The following TAX1BP1 variants were observed in gnomAD, a reference collection of about 807,000 sequenced individuals.
The protein encoded by TAX1BP1 is tax1-binding protein 1.
A neutral mutation model predicts 97.7 loss-of-function variants in TAX1BP1; 62 were observed. The ratio of observed to expected loss-of-function variants is 0.63; its 90% CI spans 0.52 to 0.78. The LOEUF is 0.78. Ranked by LOEUF, TAX1BP1 falls within the 30% of genes least tolerant of loss-of-function variation. The pLI, the probability that TAX1BP1 is intolerant of heterozygous loss-of-function variation, is 0.00. For synonymous variants in TAX1BP1, 340 were observed against 304.2 expected (o/e 1.12, Z -1.23); for missense variants, 867 against 916.1 (o/e 0.95, Z 0.69).
intron 15 of TAX1BP1, among the ~76,000 whole-genome samples, chr7:27,826,274 T>A (rs973183421): frequency 6.6e-6 from 1 of 152,262 alleles, no homozygotes; most frequent in Admixed American, 6.5e-5. Flanking sequence ...TGTCCCGTTT[T>A]CCTTTTGCTC....
chr7:27,799,685 ATATTC>A (rs1790059688), intron 12 of TAX1BP1, among the ~76,000 whole-genome samples: 1 of 152,200 alleles, frequency 6.6e-6, no homozygotes, highest in Non-Finnish European at 1.5e-5. Context: ...AATGGATTAT[ATATTC>A]TATTTTAGCA....
chr7:27,804,572 G>A lies in TAX1BP1; in HGVS notation c.1764+4482G>A, dbSNP rs189957695. Among the ~76,000 whole-genome samples, 11 of 152,308 alleles carry A rather than the reference G, an allele frequency of 7.2e-5. 1 individual carries two copies. In the East Asian group the frequency reaches 1.5e-3, roughly 21 times the overall value. Reference sequence around the variant, plus strand: ...CACTTTAGATGCCAGTTACAAGTGAGGTCCTCAGGCTACTGATAGCAGTCA... The same window carrying A: ...CACTTTAGATGCCAGTTACAAGTGAAGTCCTCAGGCTACTGATAGCAGTCA... On this transcript the variant is annotated intron_variant, in intron 13 of 16. Transcript: ENST00000396319.
chr7:27,751,047 G>C (rs757281583), intron 2 of TAX1BP1, among the ~76,000 whole-genome samples: 3 of 152,240 alleles, frequency 2.0e-5, no homozygotes, highest in Middle Eastern at 6.8e-3. Flanking sequence ...AAATAACCTA[G>C]AGCCATACAG....
At chr7:27,796,389 T>C (rs535776202) in intron 12 of TAX1BP1, among the ~76,000 whole-genome samples, 170 bp downstream of exon 12, 1 of 152,356 alleles carries the variant, frequency 6.6e-6, no homozygotes, top group East Asian at 1.9e-4. Flanking sequence ...TGTGTACCTG[T>C]TCACATAGGC....
chr7:27,816,604 G>A, intron 14 of TAX1BP1, 84 bp downstream of exon 14: 1 of 1,208,180 alleles, frequency 8.3e-7, no homozygotes, highest in Non-Finnish European at 1.1e-6. Context: ...GCAAACTGCT[G>A]GTATAATCAA....
At position 27,748,589 on chromosome 7, in the gene TAX1BP1, T is replaced by C; in HGVS notation, c.65T>C (p.Val22Ala). 6.2e-7 allele frequency: 1 copy of C among 1,605,244 alleles called. No individual in the cohort carries two copies. The highest frequency in any genetic ancestry group is 1.1e-5 in the South Asian group (1 of 89,182). Residue 22 changes from valine (V) to alanine (A), a missense_variant, in exon 2 of 17, where the codon GTG (valine) becomes GCG (alanine). By Grantham distance (64) the Val-to-Ala change is moderately conservative. This residue lies in a region of TAX1BP1 where 822 missense variants were observed against 851.4 expected (regional missense o/e 0.97). Coordinates refer to ENST00000396319, the MANE Select transcript of TAX1BP1 (RefSeq NM_006024.7). ...TTTGCCCATGTCATCTTTCAAAATG[T>C]GGCCAAGAGTTACCTTCCTAATGCA... is the stretch of plus-strand genomic sequence containing the variant. Reference protein sequence around the residue: ...SNFAHVIFQNVAKSYLPNAHL... With the variant: ...SNFAHVIFQNAAKSYLPNAHL...
intron 5 of TAX1BP1, among the ~76,000 whole-genome samples, chr7:27,780,212 C>A (rs1562716689): frequency 6.6e-6 from 1 of 152,012 alleles, no homozygotes; most frequent in African/African-American, 2.4e-5. Context: ...TTATTAGTAC[C>A]ACTGTTAAGA....
chr7:27,760,520 G>A (rs900728217), intron 3 of TAX1BP1, among the ~76,000 whole-genome samples: 5 of 151,468 alleles, frequency 3.3e-5, no homozygotes, highest in African/African-American at 1.2e-4. Context: ...AGCCTCCCAA[G>A]TAGCTGGGAC....
chr7:27,816,456 C>G lies in TAX1BP1; in HGVS notation c.1872C>G (p.Leu624=). The change falls in exon 14 of 17, where the codon CTC becomes CTG. Residue 624 remains leucine, a synonymous_variant. Transcript: ENST00000396319. ...GCTCAGAGCAAAATGGTTATGTTCT[C>G]ACATTGTCAAATGCACAACCAGTTC... ...KTCSEQNGYV[L]TLSNAQPVLQ... is the part of the protein sequence containing the mutation. 3.2e-6 allele frequency: 5 copies of G among 1,566,036 alleles called. No individual in the cohort carries two copies. Among genetic ancestry groups the G allele is most frequent in the Non-Finnish European group, 4.3e-6 (5 of 1,165,706 alleles).
upstream of TAX1BP1, chr7:27,740,068 A>AG (rs1787505014): frequency 6.6e-6 from 1 of 152,160 alleles, no homozygotes; most frequent in South Asian, 2.1e-4. Context: ...GTCGTCGCGG[A>AG]GGGGAGCGGC....
chr7:27,743,087 A>C (rs187243414), intron 1 of TAX1BP1, among the ~76,000 whole-genome samples: 2 of 152,216 alleles, frequency 1.3e-5, no homozygotes, highest in Non-Finnish European at 1.5e-5. Flanking sequence ...GTGTGGGCCA[A>C]TATCATAGCA....
chr7:27,814,130 G>A (rs1790672126), intron 13 of TAX1BP1, among the ~76,000 whole-genome samples: 1 of 142,236 alleles, frequency 7.0e-6, no homozygotes, highest in African/African-American at 2.6e-5. Context: ...AATCGTGTTT[G>A]AAATGTTTCT....
intron 1 of TAX1BP1, among the ~76,000 whole-genome samples, chr7:27,741,051 A>G (rs1019306607): frequency 1.3e-5 from 2 of 152,220 alleles, no homozygotes; most frequent in Admixed American, 1.3e-4. Context: ...CCTTATTGGT[A>G]AAAGTTTTGT....
intron 4 of TAX1BP1, among the ~76,000 whole-genome samples, chr7:27,767,205 T>G (rs1193725830): frequency 1.3e-5 from 2 of 152,164 alleles, no homozygotes; most frequent in Non-Finnish European, 2.9e-5. Context: ...ATTATAATAA[T>G]AAGAAAAATA....
intron 15 of TAX1BP1, among the ~76,000 whole-genome samples, chr7:27,822,394 T>G (rs1791011716): frequency 6.6e-6 from 1 of 152,116 alleles, no homozygotes; most frequent in Non-Finnish European, 1.5e-5. Flanking sequence ...ATCCTAGGAG[T>G]GGAACTGCTG....
At chr7:27,821,142 T>C (rs1251194236) in intron 15 of TAX1BP1, among the ~76,000 whole-genome samples, 1 of 152,146 alleles carries the variant, frequency 6.6e-6, no homozygotes, top group Non-Finnish European at 1.5e-5. Context: ...TAAAATTTTT[T>C]GTACACAGTT....
Position 27,794,423 on chromosome 7 carries a change from A to T in TAX1BP1, c.1511A>T (p.Asp504Val), listed in dbSNP as rs757028645. Residue 504 changes from aspartate (D) to valine (V), a missense_variant, in exon 11 of 17, where the codon GAT becomes GTT. Physicochemically the swap from Asp to Val is radical, Grantham distance 152. Transcript: ENST00000396319. Reference sequence around the variant, plus strand: ...CCAGCCACTTCTGCCTCTACTGTAGATGTAAAGCCATCACCTTCTGCAGGT... The same window carrying T: ...CCAGCCACTTCTGCCTCTACTGTAGTTGTAAAGCCATCACCTTCTGCAGGT... ...TDPATSASTV[D>V]VKPSPSAAEA... is the part of the protein sequence containing the mutation. The T allele has an allele frequency of 1.9e-5, 31 of 1,609,274 alleles. No homozygotes were observed. The highest frequency in any genetic ancestry group is 2.6e-5 in the Non-Finnish European group (31 of 1,177,858).
chr7:27,792,188 T>C lies in TAX1BP1; in HGVS notation c.1221T>C (p.Asp407=), dbSNP rs1789741977. ...ENEKVKKQLA[D]AVAELKLNAM... is the part of the protein sequence containing the mutation. ...AGAAAGTGAAAAAGCAGTTAGCTGA[T>C]GCAGTGGCAGAACTTAAACTAAATG... The change falls in exon 9 of 17, where the codon GAT becomes GAC. Residue 407 remains aspartate, a synonymous_variant. Transcript: ENST00000396319. 2 of 1,613,626 alleles carry C rather than the reference T, an allele frequency of 1.2e-6. No individual in the cohort carries two copies. Among genetic ancestry groups the C allele is most frequent in the Non-Finnish European group, 1.7e-6 (2 of 1,179,868 alleles).
chr7:27,795,765 G>C (rs1335673646), intron 11 of TAX1BP1, among the ~76,000 whole-genome samples: 1 of 152,106 alleles, frequency 6.6e-6, no homozygotes, highest in East Asian at 1.9e-4. Flanking sequence ...TGTTAGCCAG[G>C]ATGGTCTCGA....
Sources: gnomAD v4.1 joint callset for allele counts (sites outside exome capture counted in the v4.1 genomes callset) on GRCh38, gnomAD v4.1.1 for gene constraint, gnomAD v4.1.1 regional missense constraint, MANE v1.5 for transcripts, NCBI Gene and HGNC (gene_info 2026-07-23, HGNC 2026-07-21) for gene names.